The following MTFR1 variants were observed in gnomAD, a reference collection of about 807,000 sequenced individuals.
The protein encoded by MTFR1 is chondrocyte protein with a poly-proline region.
In MTFR1, 28 loss-of-function variants were observed where a neutral mutation model predicts 38.8. That is an observed-to-expected ratio of 0.72 (90% confidence interval 0.53 to 0.99). The LOEUF is 0.99. MTFR1 is among the 50% of genes least tolerant of loss of function. The pLI is 0.00. For synonymous variants in MTFR1, 145 were observed against 137.0 expected (o/e 1.06, Z -0.41); for missense variants, 358 against 395.5 (o/e 0.91, Z 0.81).
In MTFR1 at chr8:65,682,343, A is replaced by G. The variant is rs766149408; in HGVS notation, c.67-10A>G. The G allele has an allele frequency of 8.1e-6, 12 of 1,486,528 alleles. No individual in the cohort carries two copies. The highest frequency in any genetic ancestry group is 1.4e-5 in the African/African-American group (1 of 70,294). The allele number at this position is 1,486,528 out of a possible 1,614,324, so 92.1% of individuals were successfully genotyped here. A position where few individuals can be genotyped will look rare whatever the true frequency, so the allele number is the denominator to read the frequency against. ...TGTAATTAAGCTTTCGGTTTTTCCT[A>G]CTTCCTCAGGTACTTTGGTCTAGGA... On this transcript the variant is annotated splice_polypyrimidine_tract_variant and intron_variant, in intron 2 of 7. Transcript: ENST00000262146.
chr8:65,747,676 A>T (rs1018275865), intron 3 of MTFR1: 25 of 1,609,670 alleles, frequency 1.6e-5, no homozygotes, highest in Admixed American at 3.4e-5. Flanking sequence ...TATAATCATC[A>T]TCTAAAATGT....
At chr8:65,662,042 C>CCTCTCTCTCT (rs376685702) in intron 1 of MTFR1, among the ~76,000 whole-genome samples, 2 of 61,218 alleles carry the variant, frequency 3.3e-5, no homozygotes, top group Non-Finnish European at 7.5e-5. Flanking sequence ...CCTCTCTCTC[C>CCTCTCTCTCT]CTCTCTCTCT....
rs1213566923 is a variant in MTFR1 at position 65,662,373 on chromosome 8, G to T, written c.-80-7500G>T. On this transcript the variant is annotated intron_variant, in intron 1 of 7. Coordinates refer to ENST00000262146, the MANE Select transcript of MTFR1 (RefSeq NM_014637.4). ...CCTCGGCCTCCCGAGGTGCCGGGAT[G>T]GCAGACGGAGTCGCGTTCACTCAGT... Among the ~76,000 whole-genome samples, 28 of 151,976 alleles carry T rather than the reference G, an allele frequency of 1.8e-4. No individual in the cohort carries two copies. In the East Asian group the frequency reaches 4.8e-3, roughly 26 times the overall value.
At chr8:65,760,138 G>C (rs1425518708) in intron 3 of MTFR1, among the ~76,000 whole-genome samples, 1 of 152,102 alleles carries the variant, frequency 6.6e-6, no homozygotes, top group Non-Finnish European at 1.5e-5. Context: ...TACTTGAGAG[G>C]CTGAAACAGG....
At chr8:65,751,255 T>C (rs1397716160) in intron 3 of MTFR1, among the ~76,000 whole-genome samples, 2 of 152,228 alleles carry the variant, frequency 1.3e-5, no homozygotes, top group Non-Finnish European at 2.9e-5. Flanking sequence ...TAAGATTTAA[T>C]AGAGGACCAG....
chr8:65,705,140 A>G (rs774745117), intron 5 of MTFR1, among the ~76,000 whole-genome samples: 1 of 152,182 alleles, frequency 6.6e-6, no homozygotes, highest in Admixed American at 6.5e-5. Context: ...CCTGGCCAAC[A>G]TGGTGAAACC....
At chr8:65,760,625 G>A (rs993797396) in intron 3 of MTFR1, among the ~76,000 whole-genome samples, 15 of 152,092 alleles carry the variant, frequency 9.9e-5, no homozygotes, top group Admixed American at 9.2e-4. Context: ...ATAAATCAAG[G>A]ATAAAACATG....
chr8:65,763,758 C>T (rs550378192), intron 3 of MTFR1, among the ~76,000 whole-genome samples: 72 of 152,290 alleles, frequency 4.7e-4, no homozygotes, highest in African/African-American at 1.5e-3. Context: ...AAGCAAAGTA[C>T]ACAAAGTCTT....
chr8:65,757,220 GAGA>G (rs1808275470), intron 3 of MTFR1, among the ~76,000 whole-genome samples: 1 of 152,222 alleles, frequency 6.6e-6, no homozygotes, highest in South Asian at 2.1e-4. Flanking sequence ...AGGAGGGCAG[GAGA>G]AGGTCAGAGA....
At chr8:65,747,466 T>A (rs1460181602) in intron 3 of MTFR1, among the ~76,000 whole-genome samples, 3 of 152,198 alleles carry the variant, frequency 2.0e-5, no homozygotes, top group African/African-American at 7.2e-5. Flanking sequence ...TTTCAGAAAT[T>A]TCCCTTGCTC....
chr8:65,727,933 A>G (rs1390755005), intron 3 of MTFR1: 1 of 152,242 alleles, frequency 6.6e-6, no homozygotes, highest in Non-Finnish European at 1.5e-5. Context: ...CTTTACTCTC[A>G]ATAATCATTA....
At chr8:65,658,065 G>T (rs1809315030) in intron 1 of MTFR1, among the ~76,000 whole-genome samples, 1 of 152,058 alleles carries the variant, frequency 6.6e-6, no homozygotes, top group South Asian at 2.1e-4. Context: ...AAAACAAAAT[G>T]CCAGCCACAT....
intron 4 of MTFR1, among the ~76,000 whole-genome samples, chr8:65,694,474 C>T (rs1190982329): frequency 6.6e-6 from 1 of 152,170 alleles, no homozygotes; most frequent in Non-Finnish European, 1.5e-5. Context: ...TTTTTAGAGA[C>T]ATATAATTAT....
rs551844940 is a variant in MTFR1 at position 65,669,119 on chromosome 8, GT to G, written c.-80-752del. ...TTTTGGTGGGAAGCTTAACCTGCTT[GT>G]TACAATAGCCAGGTACTTGCTTTGT... On this transcript the variant is annotated intron_variant, in intron 1 of 7. Transcript: ENST00000262146. 1.6e-3 allele frequency among the ~76,000 whole-genome samples: 238 copies of G among 152,296 alleles called. 1 individual carries two copies. The highest frequency in any genetic ancestry group is 2.9e-3 in the Non-Finnish European group (196 of 68,028).
At position 65,709,262 on chromosome 8, in the gene MTFR1, A is replaced by G. The variant is rs1170795222; in HGVS notation, c.*218A>G. On this transcript the variant is annotated 3_prime_UTR_variant, in exon 8 of 8. Transcript: ENST00000262146. ...TGCTCTCCACAACATGTGTGTTCTG[A>G]CATGTTTCTAATATGTGGCCAGGGC... 2 of 499,604 alleles carry G rather than the reference A, an allele frequency of 4.0e-6. No individual in the cohort carries two copies. The highest frequency in any genetic ancestry group is 6.3e-5 in the East Asian group (2 of 31,980). The allele number at this position is 499,604 out of a possible 1,614,324, so 30.9% of individuals were successfully genotyped here.
chr8:65,737,385 C>T (rs1343267519), intron 3 of MTFR1, among the ~76,000 whole-genome samples: 1 of 152,010 alleles, frequency 6.6e-6, no homozygotes, highest in African/African-American at 2.4e-5. Flanking sequence ...GCTACTGGGG[C>T]TACTCACACT....
chr8:65,647,880 A>C (rs576992222), intron 1 of MTFR1, among the ~76,000 whole-genome samples: 1 of 152,178 alleles, frequency 6.6e-6, no homozygotes, highest in South Asian at 2.1e-4. Flanking sequence ...TAACAGTTTT[A>C]GTTAACATTT....
At chr8:65,677,236 AGT>A (rs1437298854) in intron 2 of MTFR1, among the ~76,000 whole-genome samples, 1 of 149,772 alleles carries the variant, frequency 6.7e-6, no homozygotes. Flanking sequence ...CGCCTGGCTA[AGT>A]TTTTATATTT....
downstream of MTFR1, among the ~76,000 whole-genome samples, chr8:65,774,500 T>C (rs1809201668): frequency 1.3e-5 from 2 of 152,078 alleles, no homozygotes; most frequent in South Asian, 4.1e-4. Context: ...TTCTCTAACA[T>C]ATTGGTTCTC....
Sources: allele counts gnomAD v4.1 joint callset (sites outside exome capture counted in the v4.1 genomes callset), GRCh38; gene constraint gnomAD v4.1.1; transcripts MANE v1.5; gene names NCBI Gene and HGNC (gene_info 2026-07-23, HGNC 2026-07-21).